The following TP73 variants were observed in gnomAD, a reference collection of about 807,000 sequenced individuals.
TP73 encodes tumor protein p73.
In TP73, 25 loss-of-function variants were observed where a neutral mutation model predicts 62.5. The observed-to-expected ratio is 0.40, with a 90% CI of 0.29 to 0.56. TP73 has a LOEUF of 0.56. Among genes scored for constraint, TP73 ranks in the 20% least tolerant of loss-of-function variants. TP73 has a pLI of 0.46. For missense variants in TP73, 754 were observed against 913.3 expected (o/e 0.83, Z 2.25); for synonymous variants, 423 against 377.5 (o/e 1.12, Z -1.40).
intron 6 of TP73, among the ~76,000 whole-genome samples, chr1:3,723,776 C>T (rs78510736): frequency 0.01 from 1,571 of 152,364 alleles, 31 homozygotes; most frequent in African/African-American, 0.036. Context: ...TGGTGCCCAA[C>T]ACTGGTTCCG....
chr1:3,686,202 G>C (rs937602517), intron 3 of TP73, among the ~76,000 whole-genome samples: 1 of 152,252 alleles, frequency 6.6e-6, no homozygotes, highest in Non-Finnish European at 1.5e-5. Flanking sequence ...GTGCTTGAGC[G>C]CAGGACACTG....
chr1:3,713,477 G>T (rs906992396), intron 4 of TP73, among the ~76,000 whole-genome samples: 6 of 152,240 alleles, frequency 3.9e-5, no homozygotes, highest in African/African-American at 1.4e-4. Flanking sequence ...ACCTTGGGCC[G>T]TGTGGGACTC....
intron 3 of TP73, among the ~76,000 whole-genome samples, chr1:3,691,693 C>T (rs547061485): frequency 1.4e-4 from 22 of 152,278 alleles, no homozygotes; most frequent in Admixed American, 1.2e-3. Context: ...GTGGAAGGCT[C>T]GGCACAGCTG....
Position 3,672,696 on chromosome 1 carries a change from G to T in TP73, c.-33-9637G>T, listed in dbSNP as rs1219576504. Among the ~76,000 whole-genome samples the T allele has an allele frequency of 6.8e-6, 1 of 147,484 alleles. No individual in the cohort carries two copies. The highest frequency in any genetic ancestry group is 2.5e-5 in the African/African-American group (1 of 39,408). On this transcript the variant is annotated intron_variant, in intron 1 of 13. Coordinates refer to ENST00000378295, the MANE Select transcript of TP73 (RefSeq NM_005427.4). The surrounding 1 kb of genome is among the most constrained non-coding windows in gnomAD (Gnocchi z 5.3). ...TGACAGATCTGCTCCTACCACCCCC[G>T]CCAGGGTCGCCCTTCCTCTAACAGG...
intron 11 of TP73, among the ~76,000 whole-genome samples, chr1:3,730,531 CCGGGGG>C (rs960198380): frequency 5.9e-5 from 9 of 152,306 alleles, no homozygotes; most frequent in African/African-American, 2.2e-4. Flanking sequence ...CCAGCACAAG[CCGGGGG>C]CTCCATTGGA....
In TP73 at chr1:3,690,774, C is replaced by T. The variant is rs559306403; in HGVS notation, c.186+7594C>T. On this transcript the variant is annotated intron_variant, in intron 3 of 13. Transcript: ENST00000378295. ...TCCTCGGCTCCTGCCTCACTAGCTG[C>T]GGAGCCTCTCCCGCTCGGTCCACGC... is the stretch of plus-strand genomic sequence containing the variant. The T allele has an allele frequency of 7.1e-5, 106 of 1,489,864 alleles. No homozygotes were observed. The African/African-American group carries it at 7.8e-4, about 11-fold the overall frequency. 92.3% of individuals were successfully genotyped at this position (1,489,864 alleles called of 1,614,324 possible).
At position 3,662,495 on chromosome 1, in the gene TP73, C is replaced by T. The variant is rs1358601155; in HGVS notation, c.-34+9854C>T. ...GGTGAATGAAGGTGGTTTCGTCACG[C>T]GGACATGCGTCTCTCAGGCGATCAG... is the stretch of plus-strand genomic sequence containing the variant. On this transcript the variant is annotated intron_variant, in intron 1 of 13. Coordinates refer to ENST00000378295, the MANE Select transcript of TP73 (RefSeq NM_005427.4). The surrounding 1 kb of genome is among the most constrained non-coding windows in gnomAD (Gnocchi z 4.4). 6.6e-6 allele frequency among the ~76,000 whole-genome samples: 1 copy of T among 152,186 alleles called. No homozygotes were observed. The highest frequency in any genetic ancestry group is 1.5e-5 in the Non-Finnish European group (1 of 68,040).
intron 1 of TP73, among the ~76,000 whole-genome samples, chr1:3,664,503 C>T (rs1030658912): frequency 5.3e-5 from 8 of 152,216 alleles, no homozygotes; most frequent in Admixed American, 2.0e-4. Flanking sequence ...CCTGCTCGCC[C>T]GTACTGCACC....
intron 3 of TP73, among the ~76,000 whole-genome samples, chr1:3,700,240 T>G (rs1168648281): frequency 6.6e-6 from 1 of 151,292 alleles, no homozygotes; most frequent in Non-Finnish European, 1.5e-5. Flanking sequence ...AACCGTGGCC[T>G]TTGGAGATGT....
intron 3 of TP73, among the ~76,000 whole-genome samples, chr1:3,691,644 C>T (rs1217204257): frequency 3.9e-5 from 6 of 152,156 alleles, no homozygotes; most frequent in African/African-American, 1.4e-4. Context: ...CTTGCCAGGT[C>T]CCTGGGGGCC....
In TP73 at chr1:3,684,271, G is replaced by A. The variant is rs998864122; in HGVS notation, c.186+1091G>A. On this transcript the variant is annotated intron_variant, in intron 3 of 13. Transcript: ENST00000378295. ...ATTCGTAGGTGGGGAATTTGTTTGCGCTGCGGAAAACCAGCCCGAACTGTG... is the reference window on the plus strand; with the variant it reads ...ATTCGTAGGTGGGGAATTTGTTTGCACTGCGGAAAACCAGCCCGAACTGTG... Among the ~76,000 whole-genome samples, 55 of 152,274 alleles carry A rather than the reference G, an allele frequency of 3.6e-4. 2 individuals are homozygous for A. Among genetic ancestry groups the A allele is most frequent in the African/African-American group, 1.2e-3 (48 of 41,504 alleles).
chr1:3,708,593 C>A (rs1401905120), intron 4 of TP73: 1 of 152,342 alleles, frequency 6.6e-6, no homozygotes, highest in Non-Finnish European at 1.5e-5. Context: ...GGGGCAGCCA[C>A]CTCTGCATCT....
chr1:3,721,927 C>T (rs1278458760), intron 4 of TP73, 94 bp from the exon 5 acceptor site: 1 of 1,349,200 alleles, frequency 7.4e-7, no homozygotes, highest in Non-Finnish European at 1.0e-6. Context: ...GGAAGGGGCA[C>T]CCATGGGGAG....
chr1:3,679,323 G>C (rs1029041084), intron 1 of TP73, among the ~76,000 whole-genome samples: 17 of 152,248 alleles, frequency 1.1e-4, no homozygotes, highest in Non-Finnish European at 1.9e-4. Flanking sequence ...GCCCTGCGCG[G>C]AGGGATGCCC....
At chr1:3,687,103 G>A (rs545875784) in intron 3 of TP73, among the ~76,000 whole-genome samples, 2 of 152,310 alleles carry the variant, frequency 1.3e-5, no homozygotes, top group South Asian at 2.1e-4. Flanking sequence ...GAGCTGTCCC[G>A]TGCCTTAGGC....
At chr1:3,727,267 C>A in intron 7 of TP73, 43 bp downstream of exon 7, 1 of 1,568,174 alleles carries the variant, frequency 6.4e-7, no homozygotes, top group Non-Finnish European at 8.7e-7. Context: ...CAGGGCTGGG[C>A]AGGCACGGCC....
At chr1:3,668,402 A>T (rs971183970) in intron 1 of TP73, among the ~76,000 whole-genome samples, 16 of 152,108 alleles carry the variant, frequency 1.1e-4, no homozygotes, top group African/African-American at 3.6e-4. Context: ...AGCGACACAC[A>T]CTTCCCTCTC....
intron 4 of TP73, among the ~76,000 whole-genome samples, chr1:3,719,236 C>T (rs1015508055): frequency 3.3e-5 from 5 of 152,128 alleles, no homozygotes; most frequent in Non-Finnish European, 5.9e-5. Context: ...ATCTGCTACA[C>T]GTTACTGAGG....
intron 3 of TP73, among the ~76,000 whole-genome samples, chr1:3,691,608 C>G (rs1211670639): frequency 6.6e-6 from 1 of 152,134 alleles, no homozygotes; most frequent in Non-Finnish European, 1.5e-5. Flanking sequence ...CAGCCTGAGC[C>G]CTGGGGACCT....
Sources: allele counts gnomAD v4.1 joint callset (sites outside exome capture counted in the v4.1 genomes callset), GRCh38; gene constraint gnomAD v4.1.1; non-coding constraint Gnocchi (gnomAD v3.1); transcripts MANE v1.5; gene names NCBI Gene and HGNC (gene_info 2026-07-23, HGNC 2026-07-21).